Variants in NCAPG2 observed in about 807,000 individuals in gnomAD.
The protein encoded by NCAPG2 is non-SMC condensin II complex subunit G2.
Under a neutral mutation model 141.1 loss-of-function variants are expected in NCAPG2, and 53 were observed. The ratio of observed to expected loss-of-function variants is 0.38; its 90% CI spans 0.30 to 0.47. The LOEUF (loss-of-function observed/expected upper bound fraction) is 0.47, where lower values mean the gene tolerates loss of function less well. NCAPG2 is among the 20% of genes least tolerant of loss of function. NCAPG2 has a pLI of 0.99. For synonymous variants in NCAPG2, 499 were observed against 490.7 expected (o/e 1.02, Z -0.22); for missense variants, 1,087 against 1,389.0 (o/e 0.78, Z 3.46).
Position 158,692,851 on chromosome 7 carries a change from T to C in NCAPG2, c.373A>G (p.Ile125Val), listed in dbSNP as rs1835214548. Residue 125 changes from isoleucine (I) to valine (V), a missense_variant, in exon 4 of 28, where the codon ATA becomes GTA. Ile to Val is a conservative substitution (Grantham distance 29, BLOSUM62 3). Transcript: ENST00000356309. ...NYEALLECVI[I>V]LNGILYALPE... ...AACAAAATCAACTCACCATTTAATA[T>C]AATAACACATTCCAGTAGGGCTTCG... The C allele has an allele frequency of 6.5e-7, 1 of 1,544,498 alleles. No individual in the cohort carries two copies. The highest frequency in any genetic ancestry group is 8.9e-7 in the Non-Finnish European group (1 of 1,123,904).
chr7:158,663,613 G>A (rs1189160383), intron 15 of NCAPG2, among the ~76,000 whole-genome samples: 1 of 152,226 alleles, frequency 6.6e-6, no homozygotes. Context: ...CCAACACTGT[G>A]CCTCAGCACA....
chr7:158,634,423 G>C (rs1830060939), intron 27 of NCAPG2, among the ~76,000 whole-genome samples: 1 of 151,762 alleles, frequency 6.6e-6, no homozygotes, highest in African/African-American at 2.4e-5. Context: ...TATTATATTA[G>C]GGAATAATGA....
At chr7:158,675,052 G>A (rs1587231050) in intron 12 of NCAPG2, among the ~76,000 whole-genome samples, 1 of 152,208 alleles carries the variant, frequency 6.6e-6, no homozygotes, top group South Asian at 2.1e-4. Flanking sequence ...CCTGAAGACA[G>A]TTCAGGTTGC....
At chr7:158,699,115 TG>T (rs1410903408) in intron 2 of NCAPG2, among the ~76,000 whole-genome samples, 1 of 152,160 alleles carries the variant, frequency 6.6e-6, no homozygotes, top group Non-Finnish European at 1.5e-5. Context: ...CTATGTGTCT[TG>T]TTTTTCTTCC....
In NCAPG2 at chr7:158,662,372, G is replaced by A. The variant is rs1028266504; in HGVS notation, c.1816-5C>T. 6.5e-7 allele frequency: 1 copy of A among 1,540,792 alleles called. No homozygotes were observed. The highest frequency in any genetic ancestry group is 8.7e-7 in the Non-Finnish European group (1 of 1,146,654). On this transcript the variant is annotated splice_polypyrimidine_tract_variant and splice_region_variant and intron_variant, in intron 15 of 27. Transcript: ENST00000356309. ...TGACAGTGTTTTGTCCAGAACCTAA[G>A]ATAAAAATAATTTTATTGTGAAAGG...
intron 4 of NCAPG2, 66 bp downstream of exon 4, chr7:158,692,776 C>A (rs1039444861): frequency 1.0e-6 from 1 of 997,646 alleles, no homozygotes. Flanking sequence ...TAAATAAAAA[C>A]AGAAACAAAA....
chr7:158,682,347 G>C (rs1056845445), intron 9 of NCAPG2, among the ~76,000 whole-genome samples: 14 of 147,946 alleles, frequency 9.5e-5, no homozygotes, highest in Non-Finnish European at 7.5e-5. Flanking sequence ...GATGGGGGTG[G>C]GGGGTGGGTA....
chr7:158,686,373 T>C (rs1587272756), intron 7 of NCAPG2, 132 bp from the exon 8 acceptor site: 2 of 511,856 alleles, frequency 3.9e-6, no homozygotes, highest in Non-Finnish European at 6.8e-6. Context: ...AAATCATCTA[T>C]AGAAATAGGT....
chr7:158,704,573 G>A (rs1271007611), intron 1 of NCAPG2, among the ~76,000 whole-genome samples, 151 bp downstream of exon 1: 3 of 152,204 alleles, frequency 2.0e-5, no homozygotes, highest in African/African-American at 7.2e-5. Flanking sequence ...AGTTCCGTCA[G>A]AGGCAGCACT....
At chr7:158,688,629 C>T (rs920595652) in intron 6 of NCAPG2, among the ~76,000 whole-genome samples, 6 of 152,184 alleles carry the variant, frequency 3.9e-5, no homozygotes, top group African/African-American at 1.2e-4. Flanking sequence ...GCCTGGGCTG[C>T]GGTTTGATAC....
At chr7:158,639,758 A>T in intron 27 of NCAPG2, 1 of 729,170 alleles carries the variant, frequency 1.4e-6, no homozygotes, top group Non-Finnish European at 1.7e-6. Context: ...CAAAACTGGT[A>T]GAGGTCCTAC....
chr7:158,653,387 A>AAAAT (rs1554553516), intron 22 of NCAPG2, among the ~76,000 whole-genome samples: 19 of 146,142 alleles, frequency 1.3e-4, no homozygotes, highest in South Asian at 6.4e-4. Context: ...ATAAAAAAAA[A>AAAAT]AATAATAATA....
chr7:158,662,307 T>A lies in NCAPG2; in HGVS notation c.1876A>T (p.Ile626Phe). The change falls in exon 16 of 28, where the codon ATT (isoleucine) becomes TTT (phenylalanine). Residue 626 changes from isoleucine to phenylalanine, a missense_variant. Physicochemically the swap from Ile to Phe is conservative, Grantham distance 21 (BLOSUM62 0). Coordinates refer to ENST00000356309, the MANE Select transcript of NCAPG2 (RefSeq NM_017760.7). ...TCAATACTTTTCCAGAGAATCACAA[T>A]GATTTCTAGTAAACCTGCCATGCAT... ...VACMAGLLEI[I>F]VILWKSIDRS... The A allele has an allele frequency of 6.2e-7, 1 of 1,609,718 alleles. No individual in the cohort carries two copies. Among genetic ancestry groups the A allele is most frequent in the Non-Finnish European group, 8.5e-7 (1 of 1,178,144 alleles).
intron 24 of NCAPG2, among the ~76,000 whole-genome samples, chr7:158,648,726 GCCAAAT>G (rs1331823222): frequency 1.5e-3 from 28 of 18,186 alleles, no homozygotes; most frequent in Non-Finnish European, 2.2e-3. Flanking sequence ...CCACAACCAC[GCCAAAT>G]GGACCACAAC....
At chr7:158,674,287 AATT>A (rs72384323) in intron 12 of NCAPG2, among the ~76,000 whole-genome samples, 50,175 of 136,676 alleles carry the variant, frequency 0.37, 8,687 homozygotes, top group Admixed American at 0.46. Context: ...GAAAAAAAAA[AATT>A]TTTTTTTTTT....
chr7:158,689,192 A>AT lies in NCAPG2; in HGVS notation c.672+626dup, dbSNP rs1386711028. ...AATAATATATTTTATGTAAAGCAAT[A>AT]TTTAATATAACAGACAATAAAAATA... On this transcript the variant is annotated intron_variant, in intron 6 of 27. Coordinates refer to ENST00000356309, the MANE Select transcript of NCAPG2 (RefSeq NM_017760.7). 5.9e-5 allele frequency among the ~76,000 whole-genome samples: 9 copies of AT among 152,388 alleles called. 1 individual carries two copies. The South Asian group carries it at 1.4e-3, about 25-fold the overall frequency.
intron 11 of NCAPG2, among the ~76,000 whole-genome samples, chr7:158,677,050 A>G (rs1834095561): frequency 6.6e-6 from 1 of 152,160 alleles, no homozygotes; most frequent in African/African-American, 2.4e-5. Flanking sequence ...AGTTTGTGGC[A>G]AGGGCTGCAA....
intron 27 of NCAPG2, among the ~76,000 whole-genome samples, chr7:158,634,962 C>T (rs1830092537): frequency 1.3e-5 from 2 of 152,184 alleles, no homozygotes; most frequent in Non-Finnish European, 2.9e-5. Context: ...CAGACCAGAC[C>T]ATGTGCAAGT....
intron 2 of NCAPG2, among the ~76,000 whole-genome samples, chr7:158,697,803 G>A (rs556800482): frequency 6.6e-6 from 1 of 152,168 alleles, no homozygotes; most frequent in Admixed American, 6.5e-5. Context: ...GACATAGATG[G>A]AGCTGGAGGC....
Sources: allele counts gnomAD v4.1 joint callset (sites outside exome capture counted in the v4.1 genomes callset), GRCh38; gene constraint gnomAD v4.1.1; transcripts MANE v1.5; gene names NCBI Gene and HGNC (gene_info 2026-07-23, HGNC 2026-07-21).